The following SF3B2 variants were observed in gnomAD, a reference collection of about 807,000 sequenced individuals.
The protein encoded by SF3B2 is SAP 145.
A neutral mutation model predicts 116.3 loss-of-function variants in SF3B2; 22 were observed. That is an observed-to-expected ratio of 0.19 (90% CI 0.14 to 0.27). The LOEUF (loss-of-function observed/expected upper bound fraction) is 0.27. Among genes scored for constraint, SF3B2 ranks in the 10% least tolerant of loss-of-function variants. SF3B2 has a pLI of 1.00. For missense variants in SF3B2, 767 were observed against 1,151.4 expected (o/e 0.67, Z 4.83); for synonymous variants, 406 against 421.6 (o/e 0.96, Z 0.45).
At position 66,061,147 on chromosome 11, in the gene SF3B2, A is replaced by G. The variant is rs532859334; in HGVS notation, c.1779+416A>G. The stretch of plus-strand genomic sequence containing the variant: ...TAGTTCCTCAGCCTTAGAATTGCCC[A>G]TCGACTACCCTCGGATGAGATGGAA... On this transcript the variant is annotated intron_variant, in intron 14 of 21. Transcript: ENST00000322535. Among the ~76,000 whole-genome samples the G allele has an allele frequency of 1.6e-4, 25 of 152,284 alleles. No homozygotes were observed. The East Asian group carries it at 3.3e-3, about 20-fold the overall frequency.
chr11:66,061,063 T>C (rs1857093395), intron 14 of SF3B2, among the ~76,000 whole-genome samples: 2 of 152,180 alleles, frequency 1.3e-5, no homozygotes, highest in Non-Finnish European at 2.9e-5. Context: ...CCCAAAGTGC[T>C]GGGTTTATAG....
chr11:66,063,123 G>A lies in SF3B2; in HGVS notation c.2085+7G>A. 1 of 1,595,124 alleles carries A rather than the reference G, an allele frequency of 6.3e-7. No individual in the cohort carries two copies. The highest frequency in any genetic ancestry group is 8.6e-7 in the Non-Finnish European group (1 of 1,164,512). On this transcript the variant is annotated splice_region_variant and intron_variant, in intron 17 of 21. Coordinates refer to ENST00000322535, the MANE Select transcript of SF3B2 (RefSeq NM_006842.3). ...CAATGCTGCTGAATTTCAGGTATGG[G>A]CCATGTACTAGCGATCTTGGTTTTA...
At position 66,063,495 on chromosome 11, in the gene SF3B2, T is replaced by C. The variant is rs756936404; in HGVS notation, c.2181T>C (p.Ser727=). Residue 727 remains serine (S), a synonymous_variant, in exon 18 of 22, where the codon AGT becomes AGC. Transcript: ENST00000322535. ...ESSEEEEEEE[S]DEDKPDETGF... is the part of the protein sequence containing the mutation. ...CAGAAGAAGAGGAAGAGGAAGAAAG[T>C]GATGAAGACAAACCAGATGAGACAG... 5.0e-6 allele frequency: 8 copies of C among 1,614,076 alleles called. No homozygotes were observed. Among genetic ancestry groups the C allele is most frequent in the Non-Finnish European group, 8.5e-7 (1 of 1,180,004 alleles).
intron 19 of SF3B2, chr11:66,067,267 AC>A (rs916137855): frequency 9.4e-5 from 36 of 383,464 alleles, no homozygotes; most frequent in African/African-American, 6.5e-4. Flanking sequence ...CAGGCTATGA[AC>A]CCTTTAGGTC....
intron 2 of SF3B2, 46 bp from the exon 3 acceptor site, chr11:66,052,981 G>A: frequency 6.3e-7 from 1 of 1,578,858 alleles, no homozygotes; most frequent in Non-Finnish European, 8.7e-7. Flanking sequence ...GTCGTTTAGT[G>A]AAACAGCTAG....
Position 66,052,367 on chromosome 11 carries a change from C to T in SF3B2, c.-18C>T, listed in dbSNP as rs770072364. 10 of 1,605,512 alleles carry T rather than the reference C, an allele frequency of 6.2e-6. No individual in the cohort carries two copies. The East Asian group carries it at 9.0e-5, about 14-fold the overall frequency. On this transcript the variant is annotated 5_prime_UTR_variant, in exon 1 of 22. Transcript: ENST00000322535. ...GGCCCCAGCTTCCGGGTTGGTCGCG[C>T]GCCTTCCTGCGGCTAAGATGGCGAC...
intron 9 of SF3B2, 22 bp from the exon 10 acceptor site, chr11:66,058,808 C>T (rs1857047943): frequency 1.9e-6 from 3 of 1,598,516 alleles, no homozygotes; most frequent in South Asian, 2.2e-5. Flanking sequence ...CCTGACCCAG[C>T]TGGTTTTCCT....
intron 2 of SF3B2, 96 bp from the exon 3 acceptor site, chr11:66,052,931 A>T (rs1009884945): frequency 7.5e-7 from 1 of 1,327,950 alleles, no homozygotes; most frequent in Non-Finnish European, 1.1e-6. Context: ...GCTGGCAGAC[A>T]GGCACTGGGT....
At chr11:66,067,883 T>C (rs1157050386) in intron 19 of SF3B2, 63 bp from the exon 20 acceptor site, 2 of 1,391,156 alleles carry the variant, frequency 1.4e-6, no homozygotes, top group Admixed American at 1.9e-5. Context: ...GTATCTTTTG[T>C]TTCCGCTTCT....
chr11:66,057,483 C>G, intron 7 of SF3B2, 108 bp downstream of exon 7: 1 of 673,478 alleles, frequency 1.5e-6, no homozygotes, highest in Non-Finnish European at 2.7e-6. Context: ...GACTTAAATT[C>G]CTGGGGGTAG....
In SF3B2 at chr11:66,053,361, C is replaced by T. The variant is rs1856925885; in HGVS notation, c.258+257C>T. ...CTCTCTTTGATGCTGACACTTGCCT[C>T]CTTTTCCACTGTCTGCTTCTCCAAA... On this transcript the variant is annotated intron_variant, in intron 3 of 21. Coordinates refer to ENST00000322535, the MANE Select transcript of SF3B2 (RefSeq NM_006842.3). 5 of 504,886 alleles carry T rather than the reference C, an allele frequency of 9.9e-6. No individual in the cohort carries two copies. The South Asian group carries it at 1.1e-4, about 11-fold the overall frequency. The allele number at this position is 504,886 out of a possible 1,614,324, so 31.3% of individuals were successfully genotyped here.
Position 66,059,748 on chromosome 11 carries a change from C to G in SF3B2, c.1402-34C>G. On this transcript the variant is annotated intron_variant, in intron 12 of 21. Coordinates refer to ENST00000322535, the MANE Select transcript of SF3B2 (RefSeq NM_006842.3). This position sits in a 1 kb window ranked among gnomAD's most constrained non-coding sequence, Gnocchi z 5.0. ...GAGCTTCAGAACTGAGAAGTCGGGG[C>G]TCTCGAGAACACGCATTACTATGTG... 6.2e-7 allele frequency: 1 copy of G among 1,610,262 alleles called. No homozygotes were observed. Among genetic ancestry groups the G allele is most frequent in the East Asian group, 2.2e-5 (1 of 44,846 alleles).
chr11:66,058,229 C>G (rs1857036974), intron 8 of SF3B2, 79 bp downstream of exon 8: 8 of 1,580,122 alleles, frequency 5.1e-6, no homozygotes, highest in Non-Finnish European at 7.0e-6. Context: ...TGTCCCTTTC[C>G]CTGGCTCTTG....
chr11:66,068,484 CAG>C, intron 21 of SF3B2, 151 bp downstream of exon 21: 1 of 927,340 alleles, frequency 1.1e-6, no homozygotes, highest in Non-Finnish European at 1.6e-6. Context: ...AGAAATCCTC[CAG>C]TGGGCTGCCC....
chr11:66,053,902 G>A (rs1051239135), intron 3 of SF3B2: 3 of 150,146 alleles, frequency 2.0e-5, no homozygotes, highest in African/African-American at 7.4e-5. Flanking sequence ...AAAAAAAAGA[G>A]GCAGGGCGTG....
In SF3B2 at chr11:66,053,057, A is replaced by C. The variant is rs1192114517; in HGVS notation, c.211A>C (p.Arg71=). 4 of 1,613,878 alleles carry C rather than the reference A, an allele frequency of 2.5e-6. No homozygotes were observed. In the Admixed American group the frequency reaches 5.0e-5, roughly 20 times the overall value. The change falls in exon 3 of 22, where the codon AGA becomes CGA. Residue 71 remains arginine (R), a synonymous_variant. Transcript: ENST00000322535. ...TGIVLNRPVL[R]GEDGDKAAPP... ...CATCGTGCTGAATCGGCCGGTTTTGAGAGGGGAAGATGGGGACAAAGCCGC... is the reference window on the plus strand; with the variant it reads ...CATCGTGCTGAATCGGCCGGTTTTGCGAGGGGAAGATGGGGACAAAGCCGC...
chr11:66,054,852 A>T (rs1163864879), intron 3 of SF3B2, among the ~76,000 whole-genome samples: 1 of 152,190 alleles, frequency 6.6e-6, no homozygotes, highest in East Asian at 1.9e-4. Flanking sequence ...CAGAATCTAT[A>T]TTCAGGATAT....
intron 3 of SF3B2, chr11:66,053,479 G>A (rs1054822649): frequency 4.0e-6 from 1 of 251,456 alleles, no homozygotes; most frequent in Non-Finnish European, 8.0e-6. Flanking sequence ...AGGAGTTCGA[G>A]ACCAGCCTGG....
chr11:66,059,610 G>C lies in SF3B2; in HGVS notation c.1401+15G>C. The C allele has an allele frequency of 6.2e-7, 1 of 1,613,474 alleles. No homozygotes were observed. ...AACTCAAGCAGGTAAGACCTGAGAG[G>C]ATCCTGCAGGCCCTGGAGCCCAGCT... On this transcript the variant is annotated intron_variant, in intron 12 of 21. Transcript: ENST00000322535. This position sits in a 1 kb window ranked among gnomAD's most constrained non-coding sequence, Gnocchi z 5.0.
Sources: gnomAD v4.1 joint callset for allele counts (sites outside exome capture counted in the v4.1 genomes callset) on GRCh38, gnomAD v4.1.1 for gene constraint, Gnocchi (gnomAD v3.1) non-coding constraint, MANE v1.5 for transcripts, NCBI Gene and HGNC (gene_info 2026-07-23, HGNC 2026-07-21) for gene names.